COL21A1: variants seen among roughly 807,000 people sequenced by gnomAD.
COL21A1 encodes the protein collagen type XXI alpha 1 chain.
COL21A1 carries 149 observed loss-of-function variants against 137.9 expected under a neutral mutation model. The observed-to-expected ratio is 1.08, with a 90% CI of 0.95 to 1.24. COL21A1 has a LOEUF of 1.24. Among genes scored for constraint, COL21A1 ranks in the 50% most tolerant of loss-of-function variants. COL21A1 has a pLI of 0.00. For synonymous variants in COL21A1, 456 were observed against 391.5 expected, an observed-to-expected ratio of 1.16 and a Z score of -1.95; for missense variants, 1,167 against 1,158.4, an observed-to-expected ratio of 1.01 and a Z score of -0.11.
chr6:56,209,939 T>C (rs1780051086), intron 1 of COL21A1, among the ~76,000 whole-genome samples: 1 of 152,164 alleles, frequency 6.6e-6, no homozygotes, highest in Non-Finnish European at 1.5e-5. Flanking sequence ...TGGAATACTA[T>C]ACAGCCATAA....
Position 56,123,969 on chromosome 6 carries a change from T to A in COL21A1, c.1758+93A>T. On this transcript the variant is annotated intron_variant, in intron 16 of 29. Coordinates refer to ENST00000244728, the MANE Select transcript of COL21A1 (RefSeq NM_030820.4). ...TGAATTTTATCCCAATGCCACATGT[T>A]AAAAAATTTTAATATTGGTACATTT... 3 of 1,109,660 alleles carry A rather than the reference T, an allele frequency of 2.7e-6. No individual in the cohort carries two copies. In the South Asian group the frequency reaches 4.9e-5, roughly 18 times the overall value. 68.7% of individuals were successfully genotyped at this position (1,109,660 alleles called of 1,614,324 possible).
chr6:56,380,522 A>C (rs977207985), intron 1 of COL21A1, among the ~76,000 whole-genome samples: 2 of 152,132 alleles, frequency 1.3e-5, no homozygotes, highest in Non-Finnish European at 2.9e-5. Flanking sequence ...ATTATCTGTA[A>C]TCTTCAAACC....
At chr6:56,366,018 T>C (rs553414140) in intron 1 of COL21A1, among the ~76,000 whole-genome samples, 58 of 152,342 alleles carry the variant, frequency 3.8e-4, no homozygotes, top group African/African-American at 1.3e-3. Flanking sequence ...ATCTTTGACT[T>C]AGAGATTTGT....
intron 1 of COL21A1, among the ~76,000 whole-genome samples, chr6:56,242,089 C>T (rs1782361780): frequency 6.6e-6 from 1 of 152,262 alleles, no homozygotes; most frequent in African/African-American, 2.4e-5. Flanking sequence ...AATATTCCAT[C>T]TTCTGAGTAC....
intron 1 of COL21A1, among the ~76,000 whole-genome samples, chr6:56,360,881 C>A (rs796950016): frequency 1.3e-5 from 2 of 152,156 alleles, no homozygotes; most frequent in Admixed American, 1.3e-4. Context: ...GGGCAGATCA[C>A]CTGAAGTCAG....
At position 56,124,049 on chromosome 6, in the gene COL21A1, T is replaced by A. The variant is rs767238576; in HGVS notation, c.1758+13A>T. 20 of 1,494,940 alleles carry A rather than the reference T, an allele frequency of 1.3e-5. No homozygotes were observed. The highest frequency in any genetic ancestry group is 1.8e-5 in the Non-Finnish European group (20 of 1,128,006). 92.6% of individuals were successfully genotyped at this position (1,494,940 alleles called of 1,614,324 possible). ...TCTTTTTGTTTTGTCCTTTTTTTTT[T>A]TTTTATAAATACCTTGAAACCGGGA... On this transcript the variant is annotated intron_variant, in intron 16 of 29. Coordinates refer to ENST00000244728, the MANE Select transcript of COL21A1 (RefSeq NM_030820.4).
chr6:56,056,802 T>A lies in COL21A1; in HGVS notation c.*855A>T, dbSNP rs1765383999. The stretch of plus-strand genomic sequence containing the variant: ...CTTTTCTTTCAACTAGAGCATTAGC[T>A]TTATTTCCATTAGCTTTGCTACAAT... On this transcript the variant is annotated 3_prime_UTR_variant, in exon 30 of 30. Transcript: ENST00000244728. 6.6e-6 allele frequency: 1 copy of A among 152,230 alleles called. No individual in the cohort carries two copies. Among genetic ancestry groups the A allele is most frequent in the Admixed American group, 6.5e-5 (1 of 15,272 alleles). The allele number at this position is 152,230 out of a possible 1,614,324, so 9.4% of individuals were successfully genotyped here. A position where few individuals can be genotyped will look rare whatever the true frequency, so the allele number is the denominator to read the frequency against.
intron 8 of COL21A1, 98 bp downstream of exon 8, chr6:56,164,716 C>A: frequency 9.9e-7 from 1 of 1,008,606 alleles, no homozygotes. Flanking sequence ...AAATGGGTTC[C>A]ATTTGTCTAA....
intron 17 of COL21A1, among the ~76,000 whole-genome samples, chr6:56,084,335 A>G (rs1216039707): frequency 1.3e-5 from 2 of 151,880 alleles, no homozygotes; most frequent in African/African-American, 2.4e-5. Flanking sequence ...TGTTCATATT[A>G]CAAAGTTAAA....
chr6:56,278,652 T>G (rs1763724501), intron 1 of COL21A1, among the ~76,000 whole-genome samples: 1 of 152,356 alleles, frequency 6.6e-6, no homozygotes, highest in Non-Finnish European at 1.5e-5. Context: ...CTGTTTTCAC[T>G]GATCTCTAGA....
At chr6:56,103,162 T>C (rs958571872) in intron 16 of COL21A1, among the ~76,000 whole-genome samples, 2 of 152,146 alleles carry the variant, frequency 1.3e-5, no homozygotes, top group South Asian at 4.1e-4. Context: ...TCATTTAACA[T>C]GGGAACTTCT....
At chr6:56,176,364 A>G (rs1030970085) in intron 3 of COL21A1, among the ~76,000 whole-genome samples, 4 of 152,058 alleles carry the variant, frequency 2.6e-5, no homozygotes, top group Non-Finnish European at 4.4e-5. Context: ...ATATTTGCAA[A>G]CCATATATCT....
At chr6:56,346,894 C>T (rs916918581) in intron 1 of COL21A1, among the ~76,000 whole-genome samples, 24 of 152,076 alleles carry the variant, frequency 1.6e-4, no homozygotes, top group Admixed American at 6.6e-5. Context: ...CTATCCTCTG[C>T]GAGGATCTTG....
intron 1 of COL21A1, among the ~76,000 whole-genome samples, chr6:56,189,299 A>G (rs1778506917): frequency 1.3e-5 from 2 of 152,006 alleles, no homozygotes; most frequent in Non-Finnish European, 2.9e-5. Flanking sequence ...TGAAAAACAC[A>G]GCACGAGAAC....
At chr6:56,134,031 T>G (rs546331976) in intron 12 of COL21A1, among the ~76,000 whole-genome samples, 1 of 152,338 alleles carries the variant, frequency 6.6e-6, no homozygotes, top group African/African-American at 2.4e-5. Flanking sequence ...ACTGGGGTAC[T>G]GCCTAGCAGA....
intron 9 of COL21A1, among the ~76,000 whole-genome samples, chr6:56,159,668 G>A (rs1273534931): frequency 2.0e-5 from 3 of 148,540 alleles, no homozygotes; most frequent in Non-Finnish European, 4.5e-5. Flanking sequence ...ACAATGCTGG[G>A]TATCAAGTAG....
intron 9 of COL21A1, among the ~76,000 whole-genome samples, chr6:56,159,419 A>C (rs1582515813): frequency 7.0e-6 from 1 of 143,600 alleles, no homozygotes; most frequent in African/African-American, 2.6e-5. Flanking sequence ...CACAACCTCC[A>C]CCCCGCAGGT....
chr6:56,205,857 C>T (rs191035362), intron 1 of COL21A1, among the ~76,000 whole-genome samples: 45 of 152,234 alleles, frequency 3.0e-4, no homozygotes, highest in East Asian at 7.7e-4. Context: ...GAATTTGCAA[C>T]GCAGAATTTC....
At chr6:56,286,355 A>G (rs550255588) in intron 1 of COL21A1, among the ~76,000 whole-genome samples, 1 of 152,304 alleles carries the variant, frequency 6.6e-6, no homozygotes, top group East Asian at 1.9e-4. Flanking sequence ...GCATACATAC[A>G]CGCACACATA....
Sources: gnomAD v4.1 joint callset for allele counts (sites outside exome capture counted in the v4.1 genomes callset) on GRCh38, gnomAD v4.1.1 for gene constraint, MANE v1.5 for transcripts, NCBI Gene and HGNC (gene_info 2026-07-23, HGNC 2026-07-21) for gene names.